Variants in CNNM2 observed in about 807,000 individuals in gnomAD.
The protein encoded by CNNM2 is metal transporter CNNM2.
In CNNM2, 12 loss-of-function variants were observed where a neutral mutation model predicts 66.9. The observed-to-expected ratio is 0.18, with a 90% CI of 0.11 to 0.29. The LOEUF is 0.29. Among genes scored for constraint, CNNM2 ranks in the 10% least tolerant of loss-of-function variants. The probability of loss-of-function intolerance (pLI) is 1.00; values close to 1 mark genes in which losing one functional copy is unlikely to be tolerated. For missense variants in CNNM2, 705 were observed against 1,167.7 expected (o/e 0.60, Z 5.77); for synonymous variants, 557 against 501.8 (o/e 1.11, Z -1.47).
chr10:103,068,709 G>A lies in CNNM2; in HGVS notation c.2154G>A (p.Leu718=). The A allele has an allele frequency of 6.2e-7, 1 of 1,612,458 alleles. No homozygotes were observed. Among genetic ancestry groups the A allele is most frequent in the Non-Finnish European group, 8.5e-7 (1 of 1,179,316 alleles). Residue 718 remains leucine (L), a synonymous_variant, in exon 5 of 8, where the codon CTG becomes CTA. Transcript: ENST00000369878. Reference sequence around the variant, plus strand: ...TCTCATACTATGGCGTGATGGCCCTGACAGCCTCTCCAGGTATGTTTGGTT... The same window carrying A: ...TCTCATACTATGGCGTGATGGCCCTAACAGCCTCTCCAGGTATGTTTGGTT... ...SAFSYYGVMA[L]TASPVPLSLS...
intron 1 of CNNM2, among the ~76,000 whole-genome samples, chr10:102,990,957 C>T (rs1220041976): frequency 6.6e-6 from 1 of 152,034 alleles, no homozygotes; most frequent in African/African-American, 2.4e-5. Context: ...ACAAATGAGA[C>T]CCAATTCTTA....
chr10:102,998,736 G>A (rs1036057089), intron 1 of CNNM2, among the ~76,000 whole-genome samples: 2 of 152,072 alleles, frequency 1.3e-5, no homozygotes, highest in African/African-American at 2.4e-5. Context: ...CCAGCTCTTT[G>A]GGAGGCAAAG....
intron 1 of CNNM2, among the ~76,000 whole-genome samples, chr10:103,034,208 A>T (rs1340677934): frequency 6.6e-6 from 1 of 151,972 alleles, no homozygotes; most frequent in Admixed American, 6.6e-5. Context: ...TTAAATGTAT[A>T]ATAATAAATA....
intron 1 of CNNM2, among the ~76,000 whole-genome samples, chr10:103,017,963 C>CAAAAAAA (rs59984156): frequency 2.7e-4 from 21 of 78,850 alleles, no homozygotes; most frequent in Non-Finnish European, 3.6e-4. Context: ...GAATCTGTCT[C>CAAAAAAA]AAAAAAAAAA....
intron 3 of CNNM2, among the ~76,000 whole-genome samples, chr10:103,055,348 TGCTGTTTAAC>T (rs1236024763): frequency 6.6e-6 from 1 of 152,246 alleles, no homozygotes; most frequent in African/African-American, 2.4e-5. Flanking sequence ...CATGGTGGAA[TGCTGTTTAAC>T]TCTTTAAGGT....
chr10:102,954,197 A>G (rs1011921526), intron 1 of CNNM2, among the ~76,000 whole-genome samples: 2 of 144,100 alleles, frequency 1.4e-5, no homozygotes, highest in Admixed American at 1.4e-4. Context: ...GTGTGATTAT[A>G]GCTCACTTTA....
chr10:102,981,538 A>G (rs967907768), intron 1 of CNNM2, among the ~76,000 whole-genome samples: 1 of 151,296 alleles, frequency 6.6e-6, no homozygotes, highest in Admixed American at 6.6e-5. Context: ...CCACAGGTGC[A>G]TGCCACCACA....
rs535792674 is a variant in CNNM2, at chr10:102,924,622, G to GT, written c.1621+4534dup. 5.7e-3 allele frequency among the ~76,000 whole-genome samples: 822 copies of GT among 143,280 alleles called. 1 individual carries two copies. The highest frequency in any genetic ancestry group is 7.7e-3 in the Non-Finnish European group (500 of 64,992). 94.0% of individuals were successfully genotyped at this position (143,280 alleles called of 152,430 possible). ...GTATTTGCCTTGAATCTAGGAAGTT[G>GT]TTTTTTTTTTTTTAATTATTTTATA... On this transcript the variant is annotated intron_variant, in intron 1 of 7. Transcript: ENST00000369878.
intron 1 of CNNM2, among the ~76,000 whole-genome samples, chr10:103,004,106 G>A (rs1305303999): frequency 2.7e-5 from 3 of 111,824 alleles, no homozygotes; most frequent in South Asian, 7.5e-4. Flanking sequence ...GGGTTCAAGC[G>A]ATTCTCCTAC....
At chr10:102,929,323 T>C (rs1367365240) in intron 1 of CNNM2, among the ~76,000 whole-genome samples, 1 of 152,062 alleles carries the variant, frequency 6.6e-6, no homozygotes, top group Non-Finnish European at 1.5e-5. Context: ...CCCAGCACTT[T>C]AGGAAGCTTT....
At chr10:103,030,971 A>C (rs1383360799) in intron 1 of CNNM2, among the ~76,000 whole-genome samples, 1 of 152,190 alleles carries the variant, frequency 6.6e-6, no homozygotes, top group Non-Finnish European at 1.5e-5. Flanking sequence ...GAGGAGGACC[A>C]GATGGACAGA....
intron 1 of CNNM2, among the ~76,000 whole-genome samples, chr10:103,014,348 A>C (rs1428450585): frequency 6.6e-6 from 1 of 152,184 alleles, no homozygotes; most frequent in South Asian, 2.1e-4. Context: ...CAATTTACTC[A>C]ATAACAGTTC....
intron 1 of CNNM2, among the ~76,000 whole-genome samples, chr10:102,995,733 T>G (rs2063985475): frequency 6.9e-6 from 1 of 145,862 alleles, no homozygotes; most frequent in Non-Finnish European, 1.5e-5. Flanking sequence ...TGATTTAAAG[T>G]TTTTTTTTTT....
intron 1 of CNNM2, among the ~76,000 whole-genome samples, chr10:102,979,984 G>A (rs1345525326): frequency 2.0e-5 from 3 of 151,822 alleles, no homozygotes; most frequent in Non-Finnish European, 4.4e-5. Flanking sequence ...GGTGATCTCG[G>A]CTCACTGCAA....
intron 6 of CNNM2, among the ~76,000 whole-genome samples, chr10:103,075,025 G>A (rs1337935015): frequency 6.6e-6 from 1 of 152,162 alleles, no homozygotes. Context: ...GAATAGCAGA[G>A]AAAGAAAAGG....
intron 2 of CNNM2, among the ~76,000 whole-genome samples, chr10:103,052,331 G>C (rs2065229632): frequency 6.6e-6 from 1 of 150,430 alleles, no homozygotes; most frequent in Non-Finnish European, 1.5e-5. Flanking sequence ...CTGTATTTCT[G>C]TTTGCCCAGG....
intron 1 of CNNM2, among the ~76,000 whole-genome samples, chr10:102,980,181 G>A (rs1447748796): frequency 6.6e-6 from 1 of 152,134 alleles, no homozygotes; most frequent in African/African-American, 2.4e-5. Flanking sequence ...GACCTCAAGT[G>A]ATCTGCCCAC....
At chr10:103,065,434 G>T (rs952168870) in intron 4 of CNNM2, among the ~76,000 whole-genome samples, 2 of 152,278 alleles carry the variant, frequency 1.3e-5, no homozygotes, top group African/African-American at 4.8e-5. Flanking sequence ...TGGAACCACC[G>T]CACGCTTCCA....
intron 1 of CNNM2, among the ~76,000 whole-genome samples, chr10:102,998,219 G>T (rs544088374): frequency 6.6e-6 from 1 of 152,160 alleles, no homozygotes; most frequent in East Asian, 1.9e-4. Context: ...GGTGTTCAGC[G>T]AATGCATACT....
Sources: allele counts gnomAD v4.1 joint callset (sites outside exome capture counted in the v4.1 genomes callset), GRCh38; gene constraint gnomAD v4.1.1; transcripts MANE v1.5; gene names NCBI Gene and HGNC (gene_info 2026-07-23, HGNC 2026-07-21).